HS6ST3: variants seen among roughly 807,000 people sequenced by gnomAD.
HS6ST3 encodes heparan-sulfate 6-O-sulfotransferase 3.
HS6ST3 carries 12 observed loss-of-function variants against 36.7 expected under a neutral mutation model. That is an observed-to-expected ratio of 0.33 (90% CI 0.21 to 0.53). The LOEUF (loss-of-function observed/expected upper bound fraction) is 0.53, where lower values mean the gene tolerates loss of function less well. HS6ST3 is among the 20% of genes least tolerant of loss of function. HS6ST3 has a pLI of 0.95. For missense variants in HS6ST3, 584 were observed against 640.9 expected (o/e 0.91, Z 0.96); for synonymous variants, 240 against 257.5 (o/e 0.93, Z 0.65).
chr13:96,327,830 T>C (rs1438587347), intron 1 of HS6ST3, among the ~76,000 whole-genome samples: 3 of 151,304 alleles, frequency 2.0e-5, no homozygotes, highest in Non-Finnish European at 3.0e-5. Flanking sequence ...TGTCCTTCCA[T>C]TTGTTTGTAT....
At chr13:96,384,954 C>T (rs957509550) in intron 1 of HS6ST3, among the ~76,000 whole-genome samples, 1 of 151,938 alleles carries the variant, frequency 6.6e-6, no homozygotes, top group Non-Finnish European at 1.5e-5. Context: ...CAGAGGCAGG[C>T]GGATCACCTG....
intron 1 of HS6ST3, among the ~76,000 whole-genome samples, chr13:96,431,259 TAAACCA>T (rs143140280): frequency 0.012 from 1,835 of 149,250 alleles, 40 homozygotes; most frequent in African/African-American, 0.044. Context: ...CAACAACAAA[TAAACCA>T]AAACCAAAAC....
At chr13:96,252,951 T>G (rs563190285) in intron 1 of HS6ST3, among the ~76,000 whole-genome samples, 11 of 152,250 alleles carry the variant, frequency 7.2e-5, no homozygotes, top group African/African-American at 2.6e-4. Flanking sequence ...TAATTAAACC[T>G]CTTTTCTTTA....
At chr13:96,318,551 A>AAAACG (rs2054987811) in intron 1 of HS6ST3, among the ~76,000 whole-genome samples, 1 of 151,958 alleles carries the variant, frequency 6.6e-6, no homozygotes, top group Admixed American at 6.6e-5. Flanking sequence ...AAAACAAAAC[A>AAAACG]AAACAAAACA....
intron 1 of HS6ST3, among the ~76,000 whole-genome samples, chr13:96,366,814 A>G (rs537700625): frequency 4.6e-5 from 7 of 152,292 alleles, no homozygotes; most frequent in Non-Finnish European, 8.8e-5. Context: ...GGGTGGGGCC[A>G]GGTAAAGATA....
intron 1 of HS6ST3, among the ~76,000 whole-genome samples, chr13:96,366,979 G>T (rs545115059): frequency 1.3e-5 from 2 of 152,078 alleles, no homozygotes; most frequent in Non-Finnish European, 2.9e-5. Context: ...GCCTTCTGCC[G>T]TGACAGTGAG....
intron 1 of HS6ST3, among the ~76,000 whole-genome samples, chr13:96,360,543 C>A (rs1481611344): frequency 6.6e-6 from 1 of 151,502 alleles, no homozygotes; most frequent in Non-Finnish European, 1.5e-5. Flanking sequence ...TACTAATATC[C>A]TGTCAGGCTA....
intron 1 of HS6ST3, among the ~76,000 whole-genome samples, chr13:96,371,001 T>C (rs2055287272): frequency 6.6e-6 from 1 of 152,256 alleles, no homozygotes; most frequent in Admixed American, 6.5e-5. Flanking sequence ...TTGAGCATCA[T>C]ATAAATAATT....
At chr13:96,382,982 T>G (rs1214810992) in intron 1 of HS6ST3, among the ~76,000 whole-genome samples, 2 of 152,220 alleles carry the variant, frequency 1.3e-5, no homozygotes, top group East Asian at 3.8e-4. Flanking sequence ...TATGTATGTG[T>G]ATGTATAATA....
intron 1 of HS6ST3, among the ~76,000 whole-genome samples, chr13:96,589,055 GAAAAA>G (rs774694159): frequency 3.9e-5 from 2 of 51,434 alleles, no homozygotes; most frequent in African/African-American, 1.3e-4. Flanking sequence ...CATCTCAAGA[GAAAAA>G]AAAAAAAAAA....
rs1056458364 is a variant in HS6ST3 at position 96,836,801 on chromosome 13, G to A, written c.*3603G>A. 11 of 152,284 alleles carry A rather than the reference G, an allele frequency of 7.2e-5. No homozygotes were observed. The highest frequency in any genetic ancestry group is 2.4e-4 in the African/African-American group (10 of 41,562). The allele number at this position is 152,284 out of a possible 1,614,324, so 9.4% of individuals were successfully genotyped here. A position where few individuals can be genotyped will look rare whatever the true frequency, so the allele number is the denominator to read the frequency against. ...AAATTCAAAATAGTGACTTAACATG[G>A]AAGCTATTTCTCTCTTACTTAAAGG... is the stretch of plus-strand genomic sequence containing the variant. On this transcript the variant is annotated 3_prime_UTR_variant, in exon 2 of 2. Coordinates refer to ENST00000376705, the MANE Select transcript of HS6ST3 (RefSeq NM_153456.4).
At chr13:96,782,050 A>G (rs894113525) in intron 1 of HS6ST3, among the ~76,000 whole-genome samples, 3 of 152,194 alleles carry the variant, frequency 2.0e-5, no homozygotes, top group African/African-American at 7.2e-5. Flanking sequence ...CATAGAAATG[A>G]TAAGGCATAT....
chr13:96,237,539 TA>T lies in HS6ST3; in HGVS notation c.707+145975del, dbSNP rs2054540272. Among the ~76,000 whole-genome samples the T allele has an allele frequency of 2.0e-5, 3 of 152,282 alleles. No individual in the cohort carries two copies. In the South Asian group the frequency reaches 6.2e-4, roughly 32 times the overall value. On this transcript the variant is annotated intron_variant, in intron 1 of 1. Coordinates refer to ENST00000376705, the MANE Select transcript of HS6ST3 (RefSeq NM_153456.4). ...TCTTCCTTATTACCAGATCAGTGTT[TA>T]AAAATAAACCTCAAATAGTTGACCT...
At chr13:96,605,742 A>T (rs1028698393) in intron 1 of HS6ST3, among the ~76,000 whole-genome samples, 1 of 152,162 alleles carries the variant, frequency 6.6e-6, no homozygotes, top group African/African-American at 2.4e-5. Flanking sequence ...ACCACCCAAG[A>T]ATTTCTGTTT....
At chr13:96,771,048 G>A (rs1012442362) in intron 1 of HS6ST3, among the ~76,000 whole-genome samples, 1 of 152,084 alleles carries the variant, frequency 6.6e-6, no homozygotes, top group African/African-American at 2.4e-5. Flanking sequence ...TGTGAGTAGT[G>A]CCACAATAAA....
intron 1 of HS6ST3, among the ~76,000 whole-genome samples, chr13:96,529,585 G>A (rs1002231377): frequency 6.6e-6 from 1 of 151,694 alleles, no homozygotes; most frequent in African/African-American, 2.4e-5. Context: ...TCATTATTTG[G>A]TTATCTTTTT....
At chr13:96,181,793 C>T (rs988131909) in intron 1 of HS6ST3, among the ~76,000 whole-genome samples, 1 of 152,180 alleles carries the variant, frequency 6.6e-6, no homozygotes, top group Non-Finnish European at 1.5e-5. Context: ...AGCTGTTTCT[C>T]TAAACTAAAA....
intron 1 of HS6ST3, among the ~76,000 whole-genome samples, chr13:96,440,493 AGAAAG>A (rs544712773): frequency 3.5e-4 from 25 of 72,142 alleles, no homozygotes; most frequent in Non-Finnish European, 4.5e-4. Context: ...AGGGGAGAGG[AGAAAG>A]GAAAGGAAAG....
At position 96,090,333 on chromosome 13, in the gene HS6ST3, C is replaced by G. The variant is rs2053754020; in HGVS notation, c.-530C>G. On this transcript the variant is annotated 5_prime_UTR_variant, in exon 1 of 2. Transcript: ENST00000376705. ...CCCCGCGACCTGCCGGCAAAGGCGC[C>G]GGGCGCGCGTGCCGGGCGCGGTGCC... Among the ~76,000 whole-genome samples, 1 of 147,414 alleles carries G rather than the reference C, an allele frequency of 6.8e-6. No homozygotes were observed. The highest frequency in any genetic ancestry group is 2.0e-4 in the East Asian group (1 of 5,066).
Sources: gnomAD v4.1 joint callset for allele counts (sites outside exome capture counted in the v4.1 genomes callset) on GRCh38, gnomAD v4.1.1 for gene constraint, MANE v1.5 for transcripts, NCBI Gene and HGNC (gene_info 2026-07-23, HGNC 2026-07-21) for gene names.